The following OPCML variants were observed in gnomAD, a reference collection of about 807,000 sequenced individuals.
The protein encoded by OPCML is opioid-binding protein/cell adhesion molecule.
OPCML carries 13 observed loss-of-function variants against 37.8 expected under a neutral mutation model. That is an observed-to-expected ratio of 0.34 (90% CI 0.22 to 0.55). The LOEUF is 0.55. Ranked by LOEUF, OPCML falls within the 20% of genes least tolerant of loss-of-function variation. The pLI, the probability that OPCML is intolerant of heterozygous loss-of-function variation, is 0.91. For synonymous variants in OPCML, 176 were observed against 168.8 expected (o/e 1.04, Z -0.33); for missense variants, 341 against 435.6 (o/e 0.78, Z 1.93).
At chr11:132,588,397 C>G (rs1288157202) in intron 3 of OPCML, among the ~76,000 whole-genome samples, 1 of 152,150 alleles carries the variant, frequency 6.6e-6, no homozygotes, top group East Asian at 1.9e-4. Flanking sequence ...GAGTCTAGAA[C>G]AGATGCCAGT....
At chr11:132,633,274 C>G (rs1279678913) in intron 3 of OPCML, among the ~76,000 whole-genome samples, 1 of 150,726 alleles carries the variant, frequency 6.6e-6, no homozygotes, top group Non-Finnish European at 1.5e-5. Context: ...GTGATCTCGG[C>G]TCACTGCAAC....
chr11:133,116,681 T>C (rs1244570276), intron 1 of OPCML, among the ~76,000 whole-genome samples: 1 of 152,140 alleles, frequency 6.6e-6, no homozygotes, highest in Non-Finnish European at 1.5e-5. Context: ...GTTCCATTAC[T>C]GGTGATGTTC....
intron 1 of OPCML, among the ~76,000 whole-genome samples, chr11:133,224,119 AAT>A (rs1939943224): frequency 1.3e-5 from 2 of 152,184 alleles, no homozygotes; most frequent in African/African-American, 4.8e-5. Flanking sequence ...AATGCTTTGT[AAT>A]CCTCCAGCAG....
intron 2 of OPCML, among the ~76,000 whole-genome samples, chr11:132,698,048 T>C (rs1195126619): frequency 1.3e-5 from 2 of 150,828 alleles, no homozygotes; most frequent in East Asian, 3.9e-4. Flanking sequence ...GGATCTCTTC[T>C]TGTTGCCCTG....
chr11:133,447,254 A>G (rs1946491576), intron 1 of OPCML, among the ~76,000 whole-genome samples: 2 of 152,132 alleles, frequency 1.3e-5, no homozygotes, highest in African/African-American at 2.4e-5. Flanking sequence ...TGTGGTTTTA[A>G]TCTGCATTTC....
intron 1 of OPCML, among the ~76,000 whole-genome samples, chr11:133,310,882 A>G (rs1351674953): frequency 1.3e-5 from 2 of 152,228 alleles, no homozygotes; most frequent in African/African-American, 2.4e-5. Context: ...TTCTGCTAAC[A>G]TACTTTGCTT....
intron 1 of OPCML, among the ~76,000 whole-genome samples, chr11:132,996,382 G>A (rs1168996048): frequency 6.6e-6 from 1 of 151,578 alleles, no homozygotes; most frequent in Non-Finnish European, 1.5e-5. Flanking sequence ...CACTTTGGGG[G>A]ACCGAGATGG....
chr11:132,846,004 A>C (rs1941518247), intron 2 of OPCML, among the ~76,000 whole-genome samples: 1 of 152,188 alleles, frequency 6.6e-6, no homozygotes, highest in African/African-American at 2.4e-5. Flanking sequence ...CAGAACGCTG[A>C]GAGCAATCCC....
chr11:132,864,096 C>G (rs905308202), intron 2 of OPCML, among the ~76,000 whole-genome samples: 2 of 152,080 alleles, frequency 1.3e-5, no homozygotes, highest in Non-Finnish European at 2.9e-5. Flanking sequence ...CGCCACCAAG[C>G]CTGGCTAATT....
intron 4 of OPCML, among the ~76,000 whole-genome samples, chr11:132,507,569 G>A (rs1270059308): frequency 1.3e-5 from 2 of 151,114 alleles, no homozygotes; most frequent in Non-Finnish European, 3.0e-5. Flanking sequence ...TAATTCAAAG[G>A]TAAAATTTCT....
intron 2 of OPCML, among the ~76,000 whole-genome samples, chr11:132,928,622 G>A (rs939033518): frequency 3.3e-5 from 5 of 151,928 alleles, no homozygotes; most frequent in South Asian, 2.1e-4. Flanking sequence ...CCAATTAGAC[G>A]TAACAGAAAT....
chr11:132,867,569 T>C (rs1942622789), intron 2 of OPCML, among the ~76,000 whole-genome samples: 1 of 152,208 alleles, frequency 6.6e-6, no homozygotes, highest in Non-Finnish European at 1.5e-5. Context: ...TGGAAGTAGC[T>C]GAAAATAGAG....
chr11:132,880,218 T>C (rs1943175274), intron 2 of OPCML, among the ~76,000 whole-genome samples: 1 of 152,118 alleles, frequency 6.6e-6, no homozygotes, highest in Non-Finnish European at 1.5e-5. Context: ...TTAAATAATT[T>C]AAAAAATTAA....
chr11:132,645,377 T>A (rs1200643967), intron 3 of OPCML, among the ~76,000 whole-genome samples: 1 of 152,242 alleles, frequency 6.6e-6, no homozygotes, highest in Non-Finnish European at 1.5e-5. Flanking sequence ...TAAGAATAAC[T>A]GACATTTTCC....
intron 1 of OPCML, among the ~76,000 whole-genome samples, chr11:133,160,988 G>T (rs1950133780): frequency 6.6e-6 from 1 of 152,238 alleles, no homozygotes; most frequent in Admixed American, 6.5e-5. Flanking sequence ...CAGGTACATG[G>T]AGCTGGATGG....
intron 4 of OPCML, among the ~76,000 whole-genome samples, chr11:132,507,588 A>G (rs2096259981): frequency 6.9e-6 from 1 of 145,882 alleles, no homozygotes; most frequent in African/African-American, 2.5e-5. Context: ...CTGAATTAAA[A>G]ACAACAAAAA....
intron 3 of OPCML, among the ~76,000 whole-genome samples, chr11:132,590,002 G>T (rs1349583263): frequency 6.6e-6 from 1 of 152,080 alleles, no homozygotes; most frequent in Non-Finnish European, 1.5e-5. Flanking sequence ...GGCTTAGTTT[G>T]CTGACCCCTG....
At chr11:132,756,403 A>G (rs532760294) in intron 2 of OPCML, among the ~76,000 whole-genome samples, 1 of 152,324 alleles carries the variant, frequency 6.6e-6, no homozygotes, top group South Asian at 2.1e-4. Flanking sequence ...AAACAGAGAC[A>G]TATGATGAGC....
At chr11:133,231,840 G>C (rs1434096140) in intron 1 of OPCML, among the ~76,000 whole-genome samples, 1 of 152,200 alleles carries the variant, frequency 6.6e-6, no homozygotes, top group Non-Finnish European at 1.5e-5. Context: ...TATTGTCAAA[G>C]GAGAAGGGGC....
Sources: gnomAD v4.1 joint callset for allele counts (sites outside exome capture counted in the v4.1 genomes callset) on GRCh38, gnomAD v4.1.1 for gene constraint, MANE v1.5 for transcripts, NCBI Gene and HGNC (gene_info 2026-07-23, HGNC 2026-07-21) for gene names.